LOXL4: variants seen among roughly 807,000 people sequenced by gnomAD.
LOXL4 encodes the protein lysyl oxidase homolog 4.
Under a neutral mutation model 89.1 loss-of-function variants are expected in LOXL4, and 72 were observed. The ratio of observed to expected loss-of-function variants is 0.81; its 90% CI spans 0.67 to 0.98. LOXL4 has a LOEUF of 0.98. Among genes scored for constraint, LOXL4 ranks in the 50% least tolerant of loss-of-function variants. LOXL4 has a pLI of 0.00. For synonymous variants in LOXL4, 355 were observed against 392.1 expected, an observed-to-expected ratio of 0.91 and a Z score of 1.12; for missense variants, 984 against 1,017.5, an observed-to-expected ratio of 0.97 and a Z score of 0.45.
intron 1 of LOXL4, among the ~76,000 whole-genome samples, chr10:98,267,447 C>T (rs2087601562): frequency 6.6e-6 from 1 of 152,160 alleles, no homozygotes; most frequent in Admixed American, 6.5e-5. Flanking sequence ...ACAGCAAATG[C>T]CCGAGTATTC....
intron 12 of LOXL4, 160 bp downstream of exon 12, chr10:98,252,193 A>T (rs1429645474): frequency 1.6e-6 from 1 of 625,474 alleles, no homozygotes; most frequent in African/African-American, 1.8e-5. Flanking sequence ...CCTGCGTAAG[A>T]TTTCAGAAGG....
chr10:98,256,913 C>A lies in LOXL4; in HGVS notation c.1295G>T (p.Gly432Val), dbSNP rs2135833149. ...RLAGGRIPEEGLLEVQVEVNG... is the reference protein window; with the variant it reads ...RLAGGRIPEEVLLEVQVEVNG... ...CACCTCCACCTGCACCTCCAATAGC[C>A]CCTCCTCAGGGATACGCCCACCAGC... Residue 432 changes from glycine (G) to valine (V), a missense_variant, in exon 9 of 15, where the codon GGG becomes GTG. Transcript: ENST00000260702. 1 of 1,614,176 alleles carries A rather than the reference C, an allele frequency of 6.2e-7. No homozygotes were observed. The highest frequency in any genetic ancestry group is 8.5e-7 in the Non-Finnish European group (1 of 1,180,026).
rs1230556472 is a variant in LOXL4 at position 98,253,755 on chromosome 10, T to A, written c.1633A>T (p.Thr545Ser). 1 of 1,613,884 alleles carries A rather than the reference T, an allele frequency of 6.2e-7. No homozygotes were observed. Among genetic ancestry groups the A allele is most frequent in the Non-Finnish European group, 8.5e-7 (1 of 1,180,002 alleles). Residue 545 changes from threonine (T) to serine (S), a missense_variant, in exon 11 of 15, where the codon ACG becomes TCG. Physicochemically the swap from Thr to Ser is moderately conservative, Grantham distance 58. Transcript: ENST00000260702. ...AGCGGGCGGTCCTCCAAGTAGGCCG[T>A]CTCCTGCACTAGCTGGGCGTTCATC... ...LVMNAQLVQE[T>S]AYLEDRPLSQ...
At chr10:98,260,480 T>TG (rs941879543) in intron 4 of LOXL4, among the ~76,000 whole-genome samples, 5 of 128,574 alleles carry the variant, frequency 3.9e-5, no homozygotes, top group Admixed American at 1.6e-4. Context: ...GGGCGGGGGG[T>TG]GGGGGGGCGT....
intron 12 of LOXL4, 199 bp downstream of exon 12, chr10:98,252,154 C>T (rs958044449): frequency 3.5e-5 from 20 of 565,402 alleles, no homozygotes; most frequent in African/African-American, 2.1e-4. Flanking sequence ...AAGAACAATG[C>T]GTGGGGAATT....
At chr10:98,259,893 C>T (rs1858491133) in intron 4 of LOXL4, among the ~76,000 whole-genome samples, 1 of 152,170 alleles carries the variant, frequency 6.6e-6, no homozygotes. Context: ...GGCTGCATCC[C>T]AGGATCCCCA....
At chr10:98,259,827 G>A (rs543116518) in intron 4 of LOXL4, among the ~76,000 whole-genome samples, 4 of 152,296 alleles carry the variant, frequency 2.6e-5, no homozygotes, top group South Asian at 4.1e-4. Context: ...CCCTCCTCAT[G>A]GGTGGCAGGC....
chr10:98,267,632 T>C (rs987927602), intron 1 of LOXL4, among the ~76,000 whole-genome samples: 24 of 152,142 alleles, frequency 1.6e-4, no homozygotes, highest in African/African-American at 5.1e-4. Flanking sequence ...GAGCTGTACC[T>C]GTCCAGGCTA....
rs1433087577 is a variant in LOXL4 at position 98,255,836 on chromosome 10, G to A, written c.1429-97C>T. ...GCCTCAGTCATACCACCCCCACCGGGTTGTGTCCAGCCTGGGCCTGAAAAT... is the reference window on the plus strand; with the variant it reads ...GCCTCAGTCATACCACCCCCACCGGATTGTGTCCAGCCTGGGCCTGAAAAT... On this transcript the variant is annotated intron_variant, in intron 9 of 14. Coordinates refer to ENST00000260702, the MANE Select transcript of LOXL4 (RefSeq NM_032211.7). The A allele has an allele frequency of 3.5e-6, 5 of 1,441,154 alleles. No homozygotes were observed. In the African/African-American group the frequency reaches 7.1e-5, roughly 20 times the overall value. The allele number at this position is 1,441,154 out of a possible 1,614,324, so 89.3% of individuals were successfully genotyped here. A position where few individuals can be genotyped will look rare whatever the true frequency, so the allele number is the denominator to read the frequency against.
At chr10:98,263,220 G>T (rs1455641176) in intron 1 of LOXL4, among the ~76,000 whole-genome samples, 169 bp from the exon 2 acceptor site, 1 of 152,048 alleles carries the variant, frequency 6.6e-6, no homozygotes, top group East Asian at 1.9e-4. Flanking sequence ...TCTGGGCCAG[G>T]TTAGCTGATT....
intron 4 of LOXL4, 49 bp from the exon 5 acceptor site, chr10:98,259,478 A>G: frequency 6.6e-7 from 1 of 1,506,158 alleles, no homozygotes; most frequent in Non-Finnish European, 9.2e-7. Context: ...TGGAAGTCCC[A>G]CCCCCTGCCA....
At chr10:98,265,906 C>T (rs1236270295) in intron 1 of LOXL4, among the ~76,000 whole-genome samples, 1 of 152,172 alleles carries the variant, frequency 6.6e-6, no homozygotes, top group Non-Finnish European at 1.5e-5. Context: ...CCTCTCCACT[C>T]CCTGAGGCTG....
chr10:98,259,463 G>T (rs1395649599), intron 4 of LOXL4, 34 bp from the exon 5 acceptor site: 4 of 1,601,710 alleles, frequency 2.5e-6, no homozygotes, highest in South Asian at 1.1e-5. Context: ...GAGGTGGAAG[G>T]GGTGTGGAAG....
At chr10:98,256,633 C>G in intron 9 of LOXL4, 147 bp downstream of exon 9, 1 of 857,478 alleles carries the variant, frequency 1.2e-6, no homozygotes, top group Non-Finnish European at 1.8e-6. Flanking sequence ...CACACTGTTC[C>G]CAGCACTCAG....
At position 98,257,720 on chromosome 10, in the gene LOXL4, TGGGACCCTTCCA is replaced by T. The variant is rs1374399622; in HGVS notation, c.1178_1189del (p.Leu393_Ser396del). 1 of 1,614,122 alleles carries T rather than the reference TGGGACCCTTCCA, an allele frequency of 6.2e-7. No individual in the cohort carries two copies. The highest frequency in any genetic ancestry group is 1.1e-5 in the South Asian group (1 of 91,080). ...ATCATTCTCATGTTGGCAACCATTC[TGGGACCCTTCCA>T]GGGCAGGGCAGTCGCTGAGGGTCCG... On this transcript the variant is annotated inframe_deletion, in exon 8 of 15. Coordinates refer to ENST00000260702, the MANE Select transcript of LOXL4 (RefSeq NM_032211.7).
At chr10:98,253,463 T>C in intron 11 of LOXL4, 90 bp downstream of exon 11, 1 of 1,580,100 alleles carries the variant, frequency 6.3e-7, no homozygotes, top group South Asian at 1.1e-5. Context: ...CCAGGAAAAC[T>C]TGCCTGTGGC....
In LOXL4 at chr10:98,256,840, G is replaced by A. The variant is rs1209367369; in HGVS notation, c.1368C>T (p.Leu456=). Residue 456 remains leucine (L), a synonymous_variant, in exon 9 of 15, where the codon CTC becomes CTT. Transcript: ENST00000260702. The part of the protein sequence containing the change: ...WGSVCSENWG[L]TEAMVACRQL... ...GTCGGCAGGCCACCATGGCTTCGGTGAGCCCCCAGTTTTCACTGCACACGC... is the reference window on the plus strand; with the variant it reads ...GTCGGCAGGCCACCATGGCTTCGGTAAGCCCCCAGTTTTCACTGCACACGC... 2 of 1,614,178 alleles carry A rather than the reference G, an allele frequency of 1.2e-6. No homozygotes were observed. The highest frequency in any genetic ancestry group is 2.2e-5 in the East Asian group (1 of 44,884).
Position 98,251,670 on chromosome 10 carries a change from C to T in LOXL4, c.1984G>A (p.Gly662Arg). ...LQRRYACANF[G>R]EQGVTVGCWD... ...CAGCCTACAGTCACTCCCTGTTCTCCAAAGTTGGCACATGCGTAGCGCCGC... is the reference window on the plus strand; with the variant it reads ...CAGCCTACAGTCACTCCCTGTTCTCTAAAGTTGGCACATGCGTAGCGCCGC... Residue 662 changes from glycine to arginine, a missense_variant, in exon 13 of 15, where the codon GGA (glycine) becomes AGA (arginine). Coordinates refer to ENST00000260702, the MANE Select transcript of LOXL4 (RefSeq NM_032211.7). 1 of 1,614,242 alleles carries T rather than the reference C, an allele frequency of 6.2e-7. No homozygotes were observed. Among genetic ancestry groups the T allele is most frequent in the Non-Finnish European group, 8.5e-7 (1 of 1,180,048 alleles).
In LOXL4 at chr10:98,258,070, C is replaced by T. The variant is rs535089354; in HGVS notation, c.1016G>A (p.Arg339Lys). ...GACACTGGCAGAGATGAGGTTCCAC[C>T]TGTGGTCACAGACCGTGCCCCACTG... The part of the protein sequence containing the change: ...NRQWGTVCDH[R>K]WNLISASVVC... Residue 339 changes from arginine to lysine, a missense_variant, in exon 7 of 15, where the codon AGG becomes AAG. Transcript: ENST00000260702. 29 of 1,613,768 alleles carry T rather than the reference C, an allele frequency of 1.8e-5. No homozygotes were observed. The South Asian group carries it at 2.9e-4, about 16-fold the overall frequency.
Sources: gnomAD v4.1 joint callset for allele counts (sites outside exome capture counted in the v4.1 genomes callset) on GRCh38, gnomAD v4.1.1 for gene constraint, MANE v1.5 for transcripts, NCBI Gene and HGNC (gene_info 2026-07-23, HGNC 2026-07-21) for gene names.